Variants in ABHD5 observed in about 807,000 individuals in gnomAD.
ABHD5 encodes the protein 1-acylglycerol-3-phosphate O-acyltransferase ABHD5.
ABHD5 carries 30 observed loss-of-function variants against 44.9 expected under a neutral mutation model. The ratio of observed to expected loss-of-function variants is 0.67; its 90% CI spans 0.50 to 0.91. ABHD5 has a LOEUF of 0.91. Among genes scored for constraint, ABHD5 ranks in the 40% least tolerant of loss-of-function variants. The pLI is 0.00. For missense variants in ABHD5, 399 were observed against 423.4 expected (o/e 0.94, Z 0.50); for synonymous variants, 167 against 147.0 (o/e 1.14, Z -0.99).
In ABHD5 at chr3:43,699,985, C is replaced by G. The variant is rs749587433; in HGVS notation, c.133+624C>G. ...CTCGAAGAGTCTCAGGGACACCCCC[C>G]CTGACTCTGCTTGAGACTATGCTTT... is the stretch of plus-strand genomic sequence containing the variant. On this transcript the variant is annotated intron_variant, in intron 2 of 6. Transcript: ENST00000644371. Among the ~76,000 whole-genome samples the G allele has an allele frequency of 5.3e-4, 80 of 152,230 alleles. 1 individual carries two copies. Among genetic ancestry groups the G allele is most frequent in the Middle Eastern group, 3.4e-3 (1 of 294 alleles).
At chr3:43,715,872 G>A (rs994823552) in intron 5 of ABHD5, among the ~76,000 whole-genome samples, 2 of 152,168 alleles carry the variant, frequency 1.3e-5, no homozygotes, top group Non-Finnish European at 2.9e-5. Context: ...CAAGTGAATG[G>A]GAGATGCTAT....
At chr3:43,711,408 C>G (rs2084686885) in intron 3 of ABHD5, among the ~76,000 whole-genome samples, 1 of 152,164 alleles carries the variant, frequency 6.6e-6, no homozygotes, top group Non-Finnish European at 1.5e-5. Flanking sequence ...ACTTAAATAA[C>G]AAATGCCCTT....
At chr3:43,696,640 G>A (rs765669510) in intron 1 of ABHD5, among the ~76,000 whole-genome samples, 34 of 152,160 alleles carry the variant, frequency 2.2e-4, no homozygotes, top group Admixed American at 5.9e-4. Context: ...TCAACTAAAG[G>A]GTGGAAAAGA....
downstream of ABHD5, among the ~76,000 whole-genome samples, chr3:43,725,408 C>T (rs756561782): frequency 6.6e-6 from 1 of 152,156 alleles, no homozygotes; most frequent in Admixed American, 6.5e-5. Context: ...TGTCTGTAGC[C>T]TGGCTTAATT....
chr3:43,699,271 T>C lies in ABHD5; in HGVS notation c.48-5T>C, dbSNP rs1189542929. On this transcript the variant is annotated splice_polypyrimidine_tract_variant and splice_region_variant and intron_variant, in intron 1 of 6. Coordinates refer to ENST00000644371, the MANE Select transcript of ABHD5 (RefSeq NM_016006.6). ...CTATTTGTTATTTTGTTTTTGGTGC[T>C]CTAGGTCAGGATGGCTAACTGGTTG... is the stretch of plus-strand genomic sequence containing the variant. The C allele has an allele frequency of 1.2e-6, 2 of 1,613,462 alleles. No homozygotes were observed. The highest frequency in any genetic ancestry group is 1.1e-5 in the South Asian group (1 of 91,078).
At position 43,718,600 on chromosome 3, in the gene ABHD5, T is replaced by C; in HGVS notation, c.*68T>C. The C allele has an allele frequency of 6.9e-7, 1 of 1,451,370 alleles. No individual in the cohort carries two copies. The highest frequency in any genetic ancestry group is 9.7e-7 in the Non-Finnish European group (1 of 1,032,030). 89.9% of individuals were successfully genotyped at this position (1,451,370 alleles called of 1,614,324 possible). A position where few individuals can be genotyped will look rare whatever the true frequency, so the allele number is the denominator to read the frequency against. On this transcript the variant is annotated 3_prime_UTR_variant, in exon 7 of 7. Transcript: ENST00000644371. Reference sequence around the variant, plus strand: ...TTGTTCAGCAATAATTCATAGTCTGTGATGAAGAGTAGTGAATACAACACA... The same window carrying C: ...TTGTTCAGCAATAATTCATAGTCTGCGATGAAGAGTAGTGAATACAACACA...
chr3:43,726,278 A>G (rs945661880), downstream of ABHD5, among the ~76,000 whole-genome samples: 6 of 152,210 alleles, frequency 3.9e-5, no homozygotes, highest in South Asian at 2.1e-4. Flanking sequence ...TCACCTTCCT[A>G]TGCCAACCAG....
At chr3:43,692,765 C>G (rs1010839569) in intron 1 of ABHD5, among the ~76,000 whole-genome samples, 4 of 152,114 alleles carry the variant, frequency 2.6e-5, no homozygotes, top group African/African-American at 4.8e-5. Flanking sequence ...TTTGTGGAAC[C>G]CTTTGAGGTG....
chr3:43,717,411 A>G (rs1368796354), intron 5 of ABHD5, among the ~76,000 whole-genome samples: 1 of 152,222 alleles, frequency 6.6e-6, no homozygotes. Context: ...TAATTTAATG[A>G]TAGAAAATTA....
intron 3 of ABHD5, 133 bp downstream of exon 3, chr3:43,702,720 C>T: frequency 8.1e-7 from 1 of 1,239,472 alleles, no homozygotes. Context: ...TAGACCACAC[C>T]ACAACTGATG....
intron 1 of ABHD5, among the ~76,000 whole-genome samples, chr3:43,697,272 T>C (rs1157020617): frequency 6.6e-6 from 1 of 152,192 alleles, no homozygotes; most frequent in Non-Finnish European, 1.5e-5. Flanking sequence ...AATGCATTTG[T>C]GTTTTCTTTG....
chr3:43,715,246 C>G (rs554948492), intron 5 of ABHD5, among the ~76,000 whole-genome samples, 188 bp downstream of exon 5: 2 of 152,050 alleles, frequency 1.3e-5, no homozygotes, highest in Non-Finnish European at 2.9e-5. Flanking sequence ...CCACAACCTC[C>G]GCGTCCTGGG....
chr3:43,696,501 C>T (rs1041367456), intron 1 of ABHD5, among the ~76,000 whole-genome samples: 3 of 152,074 alleles, frequency 2.0e-5, no homozygotes, highest in Admixed American at 1.3e-4. Context: ...GGGGAGGGGG[C>T]AAAGGGTCTC....
At chr3:43,696,255 A>G (rs2084473181) in intron 1 of ABHD5, among the ~76,000 whole-genome samples, 1 of 152,228 alleles carries the variant, frequency 6.6e-6, no homozygotes, top group South Asian at 2.1e-4. Flanking sequence ...CTTAAATAAA[A>G]TAGAGAAGTT....
Position 43,720,423 on chromosome 3 carries a change from T to C in ABHD5, c.*1891T>C, listed in dbSNP as rs2084820379. On this transcript the variant is annotated 3_prime_UTR_variant, in exon 7 of 7. Transcript: ENST00000644371. The stretch of plus-strand genomic sequence containing the variant: ...GATGTGCCAAGTGATTGAAGAAAGA[T>C]ATACCCCAATATCAAGTGATAATTT... The C allele has an allele frequency of 6.6e-6, 1 of 152,170 alleles. No homozygotes were observed. Among genetic ancestry groups the C allele is most frequent in the Non-Finnish European group, 1.5e-5 (1 of 68,034 alleles). The allele number at this position is 152,170 out of a possible 1,614,324, so 9.4% of individuals were successfully genotyped here.
At chr3:43,712,908 G>C (rs1187061945) in intron 4 of ABHD5, among the ~76,000 whole-genome samples, 1 of 152,010 alleles carries the variant, frequency 6.6e-6, no homozygotes, top group African/African-American at 2.4e-5. Flanking sequence ...CTTATGACTC[G>C]GCCCACTCCT....
chr3:43,705,224 CAAG>C (rs1559413529), intron 3 of ABHD5, among the ~76,000 whole-genome samples: 1 of 152,090 alleles, frequency 6.6e-6, no homozygotes, highest in African/African-American at 2.4e-5. Flanking sequence ...ATAGAAGTAT[CAAG>C]AGATAAGAGC....
Position 43,718,437 on chromosome 3 carries a change from A to G in ABHD5, c.961-6A>G. On this transcript the variant is annotated splice_polypyrimidine_tract_variant and splice_region_variant and intron_variant, in intron 6 of 6. Transcript: ENST00000644371. ...ACTAACTGTCTGAATGCTTTTCCTT[A>G]TCCAGGCTATTCTTGGGGCAGGACA... is the stretch of plus-strand genomic sequence containing the variant. 1 of 1,613,426 alleles carries G rather than the reference A, an allele frequency of 6.2e-7. No individual in the cohort carries two copies. The highest frequency in any genetic ancestry group is 8.5e-7 in the Non-Finnish European group (1 of 1,179,408).
rs76200032 is a variant in ABHD5, at chr3:43,720,995, A to T, written c.*2463A>T. The T allele has an allele frequency of 2.0e-5, 3 of 152,218 alleles. No individual in the cohort carries two copies. Among genetic ancestry groups the T allele is most frequent in the East Asian group, 3.9e-4 (2 of 5,184 alleles). 9.4% of individuals were successfully genotyped at this position (152,218 alleles called of 1,614,324 possible). Reference sequence around the variant, plus strand: ...TGAAATGTCTTCATTCATATATGTAATATATATTTATACTTAAAGGGCCAT... The same window carrying T: ...TGAAATGTCTTCATTCATATATGTATTATATATTTATACTTAAAGGGCCAT... On this transcript the variant is annotated 3_prime_UTR_variant, in exon 7 of 7. Coordinates refer to ENST00000644371, the MANE Select transcript of ABHD5 (RefSeq NM_016006.6).
Sources: allele counts gnomAD v4.1 joint callset (sites outside exome capture counted in the v4.1 genomes callset), GRCh38; gene constraint gnomAD v4.1.1; transcripts MANE v1.5; gene names NCBI Gene and HGNC (gene_info 2026-07-23, HGNC 2026-07-21).